The following CDH8 variants were observed in gnomAD, a reference collection of about 807,000 sequenced individuals.
CDH8 encodes cadherin-8.
CDH8 carries 17 observed loss-of-function variants against 68.1 expected under a neutral mutation model. The observed-to-expected ratio is 0.25, with a 90% CI of 0.17 to 0.37. CDH8 has a LOEUF of 0.37. Among genes scored for constraint, CDH8 ranks in the 10% least tolerant of loss-of-function variants. The pLI is 1.00. For synonymous variants in CDH8, 372 were observed against 365.1 expected (o/e 1.02, Z -0.21); for missense variants, 763 against 999.3 (o/e 0.76, Z 3.19).
chr16:61,771,134 T>G (rs1960766781), intron 8 of CDH8, among the ~76,000 whole-genome samples: 1 of 151,940 alleles, frequency 6.6e-6, no homozygotes, highest in African/African-American at 2.4e-5. Context: ...TAACCAATCA[T>G]TTTTAATAGG....
At chr16:61,782,629 G>A (rs1361431340) in intron 8 of CDH8, among the ~76,000 whole-genome samples, 2 of 151,614 alleles carry the variant, frequency 1.3e-5, no homozygotes, top group African/African-American at 2.4e-5. Flanking sequence ...CTCCACCTCT[G>A]GGGGCAGGGC....
intron 10 of CDH8, among the ~76,000 whole-genome samples, chr16:61,668,480 T>C (rs1013229516): frequency 2.0e-5 from 3 of 152,082 alleles, no homozygotes; most frequent in Admixed American, 2.0e-4. Context: ...ACTTTCATTT[T>C]ATCTGAGGAA....
chr16:61,967,331 T>C (rs1965268020), intron 2 of CDH8, among the ~76,000 whole-genome samples: 1 of 152,208 alleles, frequency 6.6e-6, no homozygotes, highest in African/African-American at 2.4e-5. Context: ...GTAGGTTTTA[T>C]TTCTCTCTTT....
At chr16:61,915,883 G>C (rs1964231225) in intron 2 of CDH8, among the ~76,000 whole-genome samples, 1 of 152,166 alleles carries the variant, frequency 6.6e-6, no homozygotes, top group Non-Finnish European at 1.5e-5. Context: ...TAGAAAGGTA[G>C]GGGGTGGGGC....
intron 8 of CDH8, among the ~76,000 whole-genome samples, chr16:61,742,252 GATT>G (rs1567449357): frequency 1.3e-5 from 2 of 152,032 alleles, no homozygotes; most frequent in East Asian, 3.9e-4. Flanking sequence ...ATAGTTTATA[GATT>G]ATTTTTGTAT....
At chr16:61,690,245 T>C (rs1473514928) in intron 10 of CDH8, among the ~76,000 whole-genome samples, 3 of 152,104 alleles carry the variant, frequency 2.0e-5, no homozygotes, top group Non-Finnish European at 4.4e-5. Flanking sequence ...AGATAGATTC[T>C]AAAGGTTAAT....
chr16:61,940,244 T>C (rs937648561), intron 2 of CDH8: 2 of 152,036 alleles, frequency 1.3e-5, no homozygotes, highest in African/African-American at 4.8e-5. Flanking sequence ...CACCACAGGA[T>C]CGAATTATAC....
Position 61,879,910 on chromosome 16 carries a change from G to T in CDH8, c.547+21269C>A, listed in dbSNP as rs1179807242. ...TCCAGAAGAATATGAGGTTTTTTGG[G>T]TTTTTTTTGTTCTGGTTTGGTTTGT... On this transcript the variant is annotated intron_variant, in intron 3 of 11. Coordinates refer to ENST00000577390, the MANE Select transcript of CDH8 (RefSeq NM_001796.5). Among the ~76,000 whole-genome samples the T allele has an allele frequency of 1.1e-4, 16 of 151,524 alleles. 1 individual carries two copies. The South Asian group carries it at 1.3e-3, about 12-fold the overall frequency.
At chr16:61,809,999 A>T (rs190890028) in intron 7 of CDH8, among the ~76,000 whole-genome samples, 113 of 152,320 alleles carry the variant, frequency 7.4e-4, no homozygotes, top group Middle Eastern at 6.8e-3. Flanking sequence ...TCAAATTTAA[A>T]CGGCATAAAT....
chr16:61,729,076 T>C (rs964606795), intron 8 of CDH8, among the ~76,000 whole-genome samples: 8 of 151,352 alleles, frequency 5.3e-5, no homozygotes, highest in Middle Eastern at 3.4e-3. Context: ...CACGTAATCA[T>C]ATTTCATTCA....
chr16:61,926,321 A>G (rs1337520468), intron 2 of CDH8, among the ~76,000 whole-genome samples: 1 of 152,194 alleles, frequency 6.6e-6, no homozygotes, highest in African/African-American at 2.4e-5. Flanking sequence ...AAAAATAAGA[A>G]AACAGATATT....
At chr16:61,957,692 A>G (rs1023213098) in intron 2 of CDH8, among the ~76,000 whole-genome samples, 1 of 152,182 alleles carries the variant, frequency 6.6e-6, no homozygotes, top group Non-Finnish European at 1.5e-5. Context: ...ATTTTCCCAT[A>G]ACACAGATCC....
At chr16:61,922,585 T>C (rs1357206484) in intron 2 of CDH8, among the ~76,000 whole-genome samples, 2 of 152,184 alleles carry the variant, frequency 1.3e-5, no homozygotes, top group Admixed American at 6.5e-5. Context: ...ATAATGTACA[T>C]GTGAAAAACT....
chr16:61,835,663 A>G (rs1271458740), intron 4 of CDH8, among the ~76,000 whole-genome samples: 2 of 152,010 alleles, frequency 1.3e-5, no homozygotes, highest in Non-Finnish European at 2.9e-5. Context: ...AAACATTTCC[A>G]GGGACACTTC....
At chr16:61,940,244 T>G (rs937648561) in intron 2 of CDH8, 2 of 152,036 alleles carry the variant, frequency 1.3e-5, no homozygotes, top group Admixed American at 6.6e-5. Flanking sequence ...CACCACAGGA[T>G]CGAATTATAC....
intron 8 of CDH8, among the ~76,000 whole-genome samples, chr16:61,730,442 A>G (rs566934178): frequency 6.6e-6 from 1 of 151,608 alleles, no homozygotes; most frequent in East Asian, 1.9e-4. Context: ...CACCTCTGCA[A>G]GCGACTAATG....
At chr16:61,862,142 C>T (rs1963162562) in intron 3 of CDH8, among the ~76,000 whole-genome samples, 1 of 139,840 alleles carries the variant, frequency 7.2e-6, no homozygotes. Flanking sequence ...CACTCACACA[C>T]ACACACACAC....
intron 2 of CDH8, among the ~76,000 whole-genome samples, chr16:61,976,199 A>G (rs2150579861): frequency 6.6e-6 from 1 of 152,322 alleles, no homozygotes; most frequent in African/African-American, 2.4e-5. Context: ...GGCTTTTATT[A>G]GCTGTGCAAA....
At chr16:61,936,573 C>T (rs1335181267) in intron 2 of CDH8, among the ~76,000 whole-genome samples, 1 of 152,102 alleles carries the variant, frequency 6.6e-6, no homozygotes, top group African/African-American at 2.4e-5. Flanking sequence ...ACATGCCACC[C>T]GCCTCCCAAA....
Sources: gnomAD v4.1 joint callset for allele counts (sites outside exome capture counted in the v4.1 genomes callset) on GRCh38, gnomAD v4.1.1 for gene constraint, MANE v1.5 for transcripts, NCBI Gene and HGNC (gene_info 2026-07-23, HGNC 2026-07-21) for gene names.